Variants in DHX57 observed in about 807,000 individuals in gnomAD.
DHX57 encodes the protein DExH-box helicase 57.
DHX57 carries 105 observed loss-of-function variants against 156.2 expected under a neutral mutation model. That is an observed-to-expected ratio of 0.67 (90% confidence interval 0.57 to 0.79). DHX57 has a LOEUF of 0.79. DHX57 is among the 30% of genes least tolerant of loss of function. The pLI is 0.00. For missense variants in DHX57, 1,847 were observed against 1,661.9 expected (o/e 1.11, Z -1.94); for synonymous variants, 704 against 595.6 (o/e 1.18, Z -2.65).
intron 21 of DHX57, among the ~76,000 whole-genome samples, chr2:38,806,958 A>G (rs1477999282): frequency 6.7e-6 from 1 of 149,914 alleles, no homozygotes; most frequent in Non-Finnish European, 1.5e-5. Flanking sequence ...AGAAAACTAT[A>G]TTGATATTTT....
chr2:38,847,667 T>C (rs1672361369), intron 10 of DHX57, among the ~76,000 whole-genome samples: 1 of 152,200 alleles, frequency 6.6e-6, no homozygotes, highest in African/African-American at 2.4e-5. Flanking sequence ...ACAAATATAC[T>C]GTCACAGACA....
At chr2:38,828,133 G>A (rs1439830884) in intron 14 of DHX57, among the ~76,000 whole-genome samples, 1 of 152,200 alleles carries the variant, frequency 6.6e-6, no homozygotes, top group Non-Finnish European at 1.5e-5. Context: ...TGGGATTACA[G>A]GCATGAGCCA....
At chr2:38,817,434 C>G (rs1670603001) in intron 19 of DHX57, among the ~76,000 whole-genome samples, 1 of 152,152 alleles carries the variant, frequency 6.6e-6, no homozygotes, top group South Asian at 2.1e-4. Flanking sequence ...CATGCCTCAG[C>G]CTCCCGAGTA....
At chr2:38,812,690 C>T (rs562397117) in intron 21 of DHX57, among the ~76,000 whole-genome samples, 3 of 151,960 alleles carry the variant, frequency 2.0e-5, no homozygotes, top group South Asian at 4.2e-4. Flanking sequence ...TGCACCACCA[C>T]GCCTGGCTAA....
At chr2:38,817,677 T>G (rs936667264) in intron 19 of DHX57, among the ~76,000 whole-genome samples, 1 of 152,024 alleles carries the variant, frequency 6.6e-6, no homozygotes. Flanking sequence ...CCTGTCTACA[T>G]TATACAGAAG....
intron 17 of DHX57, among the ~76,000 whole-genome samples, chr2:38,819,469 C>A (rs1480156399): frequency 6.6e-6 from 1 of 152,220 alleles, no homozygotes; most frequent in Non-Finnish European, 1.5e-5. Flanking sequence ...AGCCACCACA[C>A]CAGGTCCTAC....
chr2:38,804,023 C>T (rs1436666681), intron 22 of DHX57, among the ~76,000 whole-genome samples: 2 of 152,152 alleles, frequency 1.3e-5, no homozygotes, highest in Non-Finnish European at 2.9e-5. Context: ...CTCAAGTCAT[C>T]CGCCCGCCTC....
intron 21 of DHX57, chr2:38,810,852 T>G (rs1176095079): frequency 8.1e-6 from 6 of 743,224 alleles, no homozygotes; most frequent in Non-Finnish European, 1.5e-5. Context: ...AGGACTTCAT[T>G]TCAATGAAGC....
In DHX57 at chr2:38,855,162, T is replaced by C. The variant is rs1313344572; in HGVS notation, c.1800A>G (p.Gln600=). The change falls in exon 8 of 24, where the codon CAA becomes CAG. Residue 600 remains glutamine, a synonymous_variant. Coordinates refer to ENST00000457308, the MANE Select transcript of DHX57 (RefSeq NM_198963.3). ...CAGAGATTGCAGAGATTCGTCGGGG[T>C]TGGGTACAGATGATGTTGGCTACCT... ...PEKVANIICT[Q]PRRISAISVA... 6.2e-7 allele frequency: 1 copy of C among 1,614,068 alleles called. No individual in the cohort carries two copies. The highest frequency in any genetic ancestry group is 8.5e-7 in the Non-Finnish European group (1 of 1,180,012).
intron 22 of DHX57, among the ~76,000 whole-genome samples, chr2:38,805,148 A>G (rs1258033219): frequency 1.3e-5 from 2 of 152,170 alleles, no homozygotes; most frequent in Admixed American, 6.6e-5. Flanking sequence ...CAACAACAAC[A>G]AAAAGTATAT....
intron 9 of DHX57, among the ~76,000 whole-genome samples, chr2:38,852,095 T>C (rs1457086506): frequency 6.6e-6 from 1 of 152,048 alleles, no homozygotes; most frequent in African/African-American, 2.4e-5. Context: ...AGTCTTTCTT[T>C]AGTTTCTAAT....
chr2:38,802,738 G>C lies in DHX57; in HGVS notation c.3994C>G (p.Arg1332Gly). ...ACCTGATGGGAAGCAGCTACAAAACGGATCCAACCATCATCCAGGGAGACA... is the reference window on the plus strand; with the variant it reads ...ACCTGATGGGAAGCAGCTACAAAACCGATCCAACCATCATCCAGGGAGACA... ...FVVSLDDGWI[R>G]FVAASHQVAE... Residue 1332 changes from arginine (R) to glycine (G), a missense_variant, in exon 23 of 24, where the codon CGT becomes GGT. Physicochemically the swap from Arg to Gly is moderately radical, Grantham distance 125 (BLOSUM62 -2). Coordinates refer to ENST00000457308, the MANE Select transcript of DHX57 (RefSeq NM_198963.3). 1.9e-6 allele frequency: 3 copies of C among 1,614,070 alleles called. No homozygotes were observed. Among genetic ancestry groups the C allele is most frequent in the Non-Finnish European group, 2.5e-6 (3 of 1,180,014 alleles).
At chr2:38,844,686 G>A (rs1267122712) in intron 11 of DHX57, among the ~76,000 whole-genome samples, 14 of 115,752 alleles carry the variant, frequency 1.2e-4, no homozygotes, top group African/African-American at 4.6e-4. Flanking sequence ...AAAAAGAAAT[G>A]ATTAATTTTT....
chr2:38,831,009 A>C (rs1363278590), intron 13 of DHX57, among the ~76,000 whole-genome samples: 2 of 152,246 alleles, frequency 1.3e-5, no homozygotes, highest in East Asian at 3.9e-4. Flanking sequence ...TTGGGGCTGC[A>C]GTGACCCGTG....
At chr2:38,803,557 G>A (rs776188621) in intron 22 of DHX57, among the ~76,000 whole-genome samples, 12 of 150,560 alleles carry the variant, frequency 8.0e-5, no homozygotes, top group African/African-American at 1.2e-4. Flanking sequence ...GTGTGATCTC[G>A]GCTCACTGCA....
At position 38,798,169 on chromosome 2, in the gene DHX57, G is replaced by A. The variant is rs1445027040; in HGVS notation, c.*130C>T. The stretch of plus-strand genomic sequence containing the variant: ...GTATATACACTGCCTCAGCTGCCTT[G>A]GGCTTCATGCCCTGGGCTCCTCCAC... On this transcript the variant is annotated 3_prime_UTR_variant, in exon 24 of 24. Transcript: ENST00000457308. 3 of 1,278,052 alleles carry A rather than the reference G, an allele frequency of 2.3e-6. No homozygotes were observed. The highest frequency in any genetic ancestry group is 3.2e-6 in the Non-Finnish European group (3 of 928,086). 79.2% of individuals were successfully genotyped at this position (1,278,052 alleles called of 1,614,324 possible). A position where few individuals can be genotyped will look rare whatever the true frequency, so the allele number is the denominator to read the frequency against.
At chr2:38,870,367 A>G (rs1665295819) in intron 1 of DHX57, among the ~76,000 whole-genome samples, 1 of 152,262 alleles carries the variant, frequency 6.6e-6, no homozygotes, top group African/African-American at 2.4e-5. Context: ...AGGAAGCTCA[A>G]TGGCCTCCAA....
rs1467055250 is a variant in DHX57, at chr2:38,856,426, C to A, written c.1623G>T (p.Arg541Ser). 1 of 1,613,858 alleles carries A rather than the reference C, an allele frequency of 6.2e-7. No individual in the cohort carries two copies. The highest frequency in any genetic ancestry group is 8.5e-7 in the Non-Finnish European group (1 of 1,179,974). Residue 541 changes from arginine (R) to serine (S), a missense_variant, in exon 7 of 24, where the codon AGG becomes AGT. By Grantham distance (110) the Arg-to-Ser change is moderately radical (BLOSUM62 -1). Coordinates refer to ENST00000457308, the MANE Select transcript of DHX57 (RefSeq NM_198963.3). ...TTTCTTCCCAAGCAGGGAGTGATTGCCTCTCTTGCAGAATGGACTGGAACT... is the reference window on the plus strand; with the variant it reads ...TTTCTTCCCAAGCAGGGAGTGATTGACTCTCTTGCAGAATGGACTGGAACT... ...SRQFQSILQE[R>S]QSLPAWEERE...
chr2:38,854,192 G>A lies in DHX57; in HGVS notation c.1906-14C>T, dbSNP rs761726980. 6.2e-7 allele frequency: 1 copy of A among 1,609,756 alleles called. No individual in the cohort carries two copies. The highest frequency in any genetic ancestry group is 8.5e-7 in the Non-Finnish European group (1 of 1,178,460). On this transcript the variant is annotated splice_polypyrimidine_tract_variant and intron_variant, in intron 8 of 23. Coordinates refer to ENST00000457308, the MANE Select transcript of DHX57 (RefSeq NM_198963.3). Reference sequence around the variant, plus strand: ...GGTGGCTGAGGACTTACACATGAAAGGGCAATATAAATCATTAATAAAATT... The same window carrying A: ...GGTGGCTGAGGACTTACACATGAAAAGGCAATATAAATCATTAATAAAATT...
Sources: gnomAD v4.1 joint callset for allele counts (sites outside exome capture counted in the v4.1 genomes callset) on GRCh38, gnomAD v4.1.1 for gene constraint, MANE v1.5 for transcripts, NCBI Gene and HGNC (gene_info 2026-07-23, HGNC 2026-07-21) for gene names.